KCNAB3: variants seen among roughly 807,000 people sequenced by gnomAD.
KCNAB3 encodes the protein potassium voltage-gated channel subfamily A regulatory beta subunit 3.
KCNAB3 carries 62 observed loss-of-function variants against 67.7 expected under a neutral mutation model. That is an observed-to-expected ratio of 0.92 (90% CI 0.75 to 1.13). The LOEUF is 1.13. Ranked by LOEUF, KCNAB3 falls within the 50% of genes most tolerant of loss-of-function variation. KCNAB3 has a pLI of 0.00. For synonymous variants in KCNAB3, 212 were observed against 205.4 expected (o/e 1.03, Z -0.27); for missense variants, 514 against 522.9 (o/e 0.98, Z 0.17).
At chr17:7,923,860 C>T (rs2151714499) in intron 11 of KCNAB3, 29 bp from the exon 12 acceptor site, 1 of 1,562,364 alleles carries the variant, frequency 6.4e-7, no homozygotes, top group Non-Finnish European at 8.7e-7. Flanking sequence ...CAACAGAAGA[C>T]CCCGCCATCA....
At position 7,929,478 on chromosome 17, in the gene KCNAB3, A is replaced by G. The variant is rs1567895016; in HGVS notation, c.-43T>C. The G allele has an allele frequency of 5.2e-5, 57 of 1,097,040 alleles. No individual in the cohort carries two copies. Among genetic ancestry groups the G allele is most frequent in the Admixed American group, 2.7e-4 (11 of 40,856 alleles). 68.0% of individuals were successfully genotyped at this position (1,097,040 alleles called of 1,614,324 possible). A position where few individuals can be genotyped will look rare whatever the true frequency, so the allele number is the denominator to read the frequency against. ...GGGGAGGGGGCTCCGAGGGGACGGGAGGGGGGAGCAGGGAAGCCCGAGGGC... is the reference window on the plus strand; with the variant it reads ...GGGGAGGGGGCTCCGAGGGGACGGGGGGGGGGAGCAGGGAAGCCCGAGGGC... On this transcript the variant is annotated 5_prime_UTR_variant, in exon 1 of 14. Transcript: ENST00000303790. The surrounding 1 kb of genome is among the most constrained non-coding windows in gnomAD (Gnocchi z 5.7).
At chr17:7,928,054 CT>C in intron 1 of KCNAB3, 1 of 606,156 alleles carries the variant, frequency 1.6e-6, no homozygotes, top group Non-Finnish European at 2.9e-6. Context: ...TCTGGAGCCA[CT>C]GTCCAGAGTC....
chr17:7,926,028 C>T, intron 5 of KCNAB3, 31 bp downstream of exon 5: 1 of 1,614,182 alleles, frequency 6.2e-7, no homozygotes, highest in Non-Finnish European at 8.5e-7. Flanking sequence ...TGGGTGATCA[C>T]ATCCCCAGCA....
chr17:7,925,899 T>G (rs1335046184), intron 6 of KCNAB3, 32 bp downstream of exon 6: 1 of 1,503,520 alleles, frequency 6.7e-7, no homozygotes, highest in East Asian at 2.3e-5. Flanking sequence ...TTTGTAGGCC[T>G]TCTCCACAAT....
At position 7,929,042 on chromosome 17, in the gene KCNAB3, C is replaced by A; in HGVS notation, c.242+152G>T. The A allele has an allele frequency of 8.1e-7, 1 of 1,235,266 alleles. No individual in the cohort carries two copies. The highest frequency in any genetic ancestry group is 1.1e-6 in the Non-Finnish European group (1 of 903,930). The allele number at this position is 1,235,266 out of a possible 1,614,324, so 76.5% of individuals were successfully genotyped here. A position where few individuals can be genotyped will look rare whatever the true frequency, so the allele number is the denominator to read the frequency against. ...GTATCGACAGAAACCAAGAGAGGGA[C>A]AAAGTGAGGGAGTGCCAGAGACAGA... On this transcript the variant is annotated intron_variant, in intron 1 of 13. Coordinates refer to ENST00000303790, the MANE Select transcript of KCNAB3 (RefSeq NM_004732.4). This position sits in a 1 kb window ranked among gnomAD's most constrained non-coding sequence, Gnocchi z 5.7.
rs1221939447 is a variant in KCNAB3 at position 7,924,416 on chromosome 17, A to G, written c.710T>C (p.Met237Thr). 3 of 1,613,646 alleles carry G rather than the reference A, an allele frequency of 1.9e-6. No individual in the cohort carries two copies. Among genetic ancestry groups the G allele is most frequent in the Non-Finnish European group, 2.5e-6 (3 of 1,179,718 alleles). ...GGCAAGGTGGGGTCACACACTCACC[A>G]TGATTTCTGCAGCCCCCCATCGGGA... ...GTSRWGAAEI[M>T]EAYSMARQFN... The change falls in exon 9 of 14, where the codon ATG becomes ACG. Residue 237 changes from methionine to threonine, a missense_variant and splice_region_variant. Transcript: ENST00000303790.
Position 7,923,060 on chromosome 17 carries a change from G to T in KCNAB3, c.*42C>A, listed in dbSNP as rs1204051669. 1 of 1,583,028 alleles carries T rather than the reference G, an allele frequency of 6.3e-7. No individual in the cohort carries two copies. Among genetic ancestry groups the T allele is most frequent in the Non-Finnish European group, 8.7e-7 (1 of 1,152,134 alleles). ...CGGCTGCGAGGAGCGGGGCTCGGGC[G>T]GGTGCAGCGACACCGGGTTGGGTCC... On this transcript the variant is annotated 3_prime_UTR_variant, in exon 14 of 14. Coordinates refer to ENST00000303790, the MANE Select transcript of KCNAB3 (RefSeq NM_004732.4).
rs369978545 is a variant in KCNAB3 at position 7,925,964 on chromosome 17, T to C, written c.461A>G (p.Tyr154Cys). 8.1e-6 allele frequency: 13 copies of C among 1,609,742 alleles called. No homozygotes were observed. The highest frequency in any genetic ancestry group is 6.7e-5 in the Admixed American group (4 of 59,440). ...CCAAAAAATCTTGGTAGTGATGACA[T>C]AGCTTGATCTCCTGGAAGAATAGAA... ...LKSKGWRRSS[Y>C]VITTKIFWGG... Residue 154 changes from tyrosine (Y) to cysteine (C), a missense_variant, in exon 6 of 14, where the codon TAT becomes TGT. Coordinates refer to ENST00000303790, the MANE Select transcript of KCNAB3 (RefSeq NM_004732.4).
intron 11 of KCNAB3, 62 bp downstream of exon 11, chr17:7,923,906 G>A (rs1050780895): frequency 2.6e-5 from 41 of 1,559,766 alleles, no homozygotes; most frequent in Non-Finnish European, 3.1e-5. Context: ...GCAGCCCCCC[G>A]TAACTCCCCC....
chr17:7,922,257 T>G lies in KCNAB3; in HGVS notation c.*845A>C, dbSNP rs971777614. On this transcript the variant is annotated 3_prime_UTR_variant, in exon 14 of 14. Coordinates refer to ENST00000303790, the MANE Select transcript of KCNAB3 (RefSeq NM_004732.4). ...AGGGGCCATCATTATTGCTTTAGGT[T>G]TATTGCCAGGAGGAAGACTGCAGTT... is the stretch of plus-strand genomic sequence containing the variant. The G allele has an allele frequency of 2.0e-5, 3 of 152,214 alleles. No homozygotes were observed. Among genetic ancestry groups the G allele is most frequent in the Non-Finnish European group, 4.4e-5 (3 of 68,044 alleles). The allele number at this position is 152,214 out of a possible 1,614,324, so 9.4% of individuals were successfully genotyped here.
chr17:7,927,450 A>G, intron 3 of KCNAB3, 27 bp from the exon 4 acceptor site: 3 of 1,605,410 alleles, frequency 1.9e-6, no homozygotes, highest in Non-Finnish European at 2.6e-6. Flanking sequence ...GGTAAAGATC[A>G]ACTACTGCTC....
Position 7,929,706 on chromosome 17 carries a change from G to A in KCNAB3, c.-271C>T, listed in dbSNP as rs2151720662. 1 of 1,349,324 alleles carries A rather than the reference G, an allele frequency of 7.4e-7. No homozygotes were observed. Among genetic ancestry groups the A allele is most frequent in the South Asian group, 1.5e-5 (1 of 65,222 alleles). 83.6% of individuals were successfully genotyped at this position (1,349,324 alleles called of 1,614,324 possible). ...GACACAGGAGCAAGGATTAGGAGGG[G>A]GAAATGGATGAGGGTAAAGGTCGAG... is the stretch of plus-strand genomic sequence containing the variant. On this transcript the variant is annotated 5_prime_UTR_variant, in exon 1 of 14. Transcript: ENST00000303790. The surrounding 1 kb of genome is among the most constrained non-coding windows in gnomAD (Gnocchi z 5.7).
Position 7,929,254 on chromosome 17 carries a change from G to C in KCNAB3, c.182C>G (p.Pro61Arg), listed in dbSNP as rs1284664034. 6.2e-7 allele frequency: 1 copy of C among 1,608,480 alleles called. No homozygotes were observed. The highest frequency in any genetic ancestry group is 8.5e-7 in the Non-Finnish European group (1 of 1,178,122). ...PKARAALVPR[P>R]PAPAGALRES... Reference sequence around the variant, plus strand: ...TCGGAGGGCCCCAGCGGGCGCTGGGGGTCGGGGAACCAGTGCAGCTCGGGC... The same window carrying C: ...TCGGAGGGCCCCAGCGGGCGCTGGGCGTCGGGGAACCAGTGCAGCTCGGGC... Residue 61 changes from proline (P) to arginine (R), a missense_variant, in exon 1 of 14, where the codon CCC becomes CGC. Pro to Arg is a moderately radical substitution (Grantham distance 103). Coordinates refer to ENST00000303790, the MANE Select transcript of KCNAB3 (RefSeq NM_004732.4). This position sits in a 1 kb window ranked among gnomAD's most constrained non-coding sequence, Gnocchi z 5.7.
At chr17:7,926,459 C>T (rs769806279) in intron 4 of KCNAB3, among the ~76,000 whole-genome samples, 1 of 152,194 alleles carries the variant, frequency 6.6e-6, no homozygotes, top group Non-Finnish European at 1.5e-5. Context: ...TTCTTTGAGC[C>T]TCTGCAAAAT....
rs1195074422 is a variant in KCNAB3, at chr17:7,929,021, C to T, written c.242+173G>A. On this transcript the variant is annotated intron_variant, in intron 1 of 13. Coordinates refer to ENST00000303790, the MANE Select transcript of KCNAB3 (RefSeq NM_004732.4). The surrounding 1 kb of genome is among the most constrained non-coding windows in gnomAD (Gnocchi z 5.7). Reference sequence around the variant, plus strand: ...ACTTGATTCTCGTAGTCAGGGGTATCGACAGAAACCAAGAGAGGGACAAAG... The same window carrying T: ...ACTTGATTCTCGTAGTCAGGGGTATTGACAGAAACCAAGAGAGGGACAAAG... 1 of 1,064,678 alleles carries T rather than the reference C, an allele frequency of 9.4e-7. No homozygotes were observed. Among genetic ancestry groups the T allele is most frequent in the Non-Finnish European group, 1.3e-6 (1 of 753,350 alleles). The allele number at this position is 1,064,678 out of a possible 1,614,324, so 66.0% of individuals were successfully genotyped here. A position where few individuals can be genotyped will look rare whatever the true frequency, so the allele number is the denominator to read the frequency against.
intron 6 of KCNAB3, 47 bp downstream of exon 6, chr17:7,925,884 C>CAAA: frequency 1.3e-6 from 2 of 1,513,958 alleles, no homozygotes; most frequent in Non-Finnish European, 9.2e-7. Context: ...CACCTTCACA[C>CAAA]ATTCTTTGTA....
At chr17:7,925,870 C>CCAAAACCA in intron 6 of KCNAB3, 61 bp downstream of exon 6, 10 of 1,516,006 alleles carry the variant, frequency 6.6e-6, no homozygotes, top group Non-Finnish European at 9.2e-6. Context: ...ACCCCCACCC[C>CCAAAACCA]ATACACCTTC....
Position 7,929,567 on chromosome 17 carries a change from G to C in KCNAB3, c.-132C>G. 1.4e-6 allele frequency: 2 copies of C among 1,462,662 alleles called. No individual in the cohort carries two copies. The highest frequency in any genetic ancestry group is 1.8e-6 in the Non-Finnish European group (2 of 1,115,070). The allele number at this position is 1,462,662 out of a possible 1,614,324, so 90.6% of individuals were successfully genotyped here. On this transcript the variant is annotated 5_prime_UTR_variant, in exon 1 of 14. Transcript: ENST00000303790. The surrounding 1 kb of genome is among the most constrained non-coding windows in gnomAD (Gnocchi z 5.7). ...CGGGAAGGCTGAGGAGGCTGCGGCG[G>C]GAGCCGCCAGGCAGGATCGGGCCCG...
intron 1 of KCNAB3, chr17:7,928,976 G>A: frequency 2.8e-6 from 2 of 710,206 alleles, no homozygotes; most frequent in South Asian, 3.8e-5. Flanking sequence ...GGTCTGACAG[G>A]ACCCAGTCAA....
Sources: allele counts gnomAD v4.1 joint callset (sites outside exome capture counted in the v4.1 genomes callset), GRCh38; gene constraint gnomAD v4.1.1; non-coding constraint Gnocchi (gnomAD v3.1); transcripts MANE v1.5; gene names NCBI Gene and HGNC (gene_info 2026-07-23, HGNC 2026-07-21).